The following C8orf34 variants were observed in gnomAD, a reference collection of about 807,000 sequenced individuals.
C8orf34 encodes uncharacterized protein C8orf34.
Under a neutral mutation model 68.3 loss-of-function variants are expected in C8orf34, and 65 were observed. That is an observed-to-expected ratio of 0.95 (90% CI 0.78 to 1.17). C8orf34 has a LOEUF of 1.17. Among genes scored for constraint, C8orf34 ranks in the 50% most tolerant of loss-of-function variants. The pLI is 0.00. For synonymous variants in C8orf34, 244 were observed against 241.2 expected, an observed-to-expected ratio of 1.01 and a Z score of -0.11; for missense variants, 664 against 655.4, an observed-to-expected ratio of 1.01 and a Z score of -0.14.
At chr8:68,559,867 G>A (rs1297339463) in intron 7 of C8orf34, among the ~76,000 whole-genome samples, 1 of 152,172 alleles carries the variant, frequency 6.6e-6, no homozygotes, top group Admixed American at 6.5e-5. Flanking sequence ...GAATGTAGAA[G>A]TGTGGGCTGT....
intron 7 of C8orf34, among the ~76,000 whole-genome samples, chr8:68,630,129 C>T (rs1271033609): frequency 6.6e-6 from 1 of 151,628 alleles, no homozygotes. Flanking sequence ...TGACATATAT[C>T]ATAAAATAGC....
At chr8:68,669,858 C>T (rs1218007120) in intron 8 of C8orf34, among the ~76,000 whole-genome samples, 1 of 152,096 alleles carries the variant, frequency 6.6e-6, no homozygotes, top group Non-Finnish European at 1.5e-5. Flanking sequence ...CATTTCAGGC[C>T]CCCTTTGTCT....
At position 68,521,989 on chromosome 8, in the gene C8orf34, C is replaced by T. The variant is rs542867142; in HGVS notation, c.938+18C>T. Reference sequence around the variant, plus strand: ...GCAGGAAGGTGAGATGAGCTGTCTGCTGAGATTCTATATTACTAGTCATTA... The same window carrying T: ...GCAGGAAGGTGAGATGAGCTGTCTGTTGAGATTCTATATTACTAGTCATTA... On this transcript the variant is annotated intron_variant, in intron 6 of 13. Coordinates refer to ENST00000518698, the MANE Select transcript of C8orf34 (RefSeq NM_052958.4). 1 of 1,607,934 alleles carries T rather than the reference C, an allele frequency of 6.2e-7. No individual in the cohort carries two copies. Among genetic ancestry groups the T allele is most frequent in the South Asian group, 1.1e-5 (1 of 90,590 alleles).
intron 7 of C8orf34, chr8:68,535,939 T>G: frequency 1.2e-6 from 1 of 865,976 alleles, no homozygotes; most frequent in Non-Finnish European, 1.4e-6. Flanking sequence ...TAAGATATTT[T>G]CAAATATTTT....
At chr8:68,740,880 T>TCC (rs1822269803) in intron 10 of C8orf34, among the ~76,000 whole-genome samples, 2 of 152,122 alleles carry the variant, frequency 1.3e-5, no homozygotes, top group Non-Finnish European at 2.9e-5. Flanking sequence ...ACATATACAC[T>TCC]ATGGAATACT....
In C8orf34 at chr8:68,464,500, T is replaced by G. The variant is rs1320721506; in HGVS notation, c.608-4192T>G. On this transcript the variant is annotated intron_variant, in intron 3 of 13. Coordinates refer to ENST00000518698, the MANE Select transcript of C8orf34 (RefSeq NM_052958.4). The stretch of plus-strand genomic sequence containing the variant: ...AGAGCCCGCATCGCCAAGTCAATCC[T>G]AAGCCAAAAGAACAAAGCTGGAGGC... 3.9e-5 allele frequency among the ~76,000 whole-genome samples: 6 copies of G among 152,002 alleles called. No homozygotes were observed. The South Asian group carries it at 1.0e-3, about 26-fold the overall frequency.
chr8:68,732,996 G>A (rs1451963461), intron 10 of C8orf34, among the ~76,000 whole-genome samples: 3 of 152,112 alleles, frequency 2.0e-5, no homozygotes, highest in African/African-American at 4.8e-5. Flanking sequence ...CCTTGGAGGC[G>A]GAGGTTGCAG....
intron 11 of C8orf34, among the ~76,000 whole-genome samples, 192 bp downstream of exon 11, chr8:68,776,641 C>A (rs560369105): frequency 6.6e-6 from 1 of 152,278 alleles, no homozygotes; most frequent in African/African-American, 2.4e-5. Flanking sequence ...GAGAAAGATA[C>A]TGTGTATCAG....
chr8:68,563,504 G>C (rs1054748103), intron 7 of C8orf34, among the ~76,000 whole-genome samples: 1 of 152,096 alleles, frequency 6.6e-6, no homozygotes, highest in Non-Finnish European at 1.5e-5. Flanking sequence ...CTTTTAAAGG[G>C]TTTTTAAAAG....
intron 5 of C8orf34, among the ~76,000 whole-genome samples, chr8:68,488,824 C>A (rs1308723459): frequency 6.6e-6 from 1 of 152,082 alleles, no homozygotes; most frequent in African/African-American, 2.4e-5. Flanking sequence ...AACATATTCT[C>A]ATTTTTCTAG....
intron 1 of C8orf34, among the ~76,000 whole-genome samples, chr8:68,424,832 G>A (rs1810139844): frequency 6.6e-6 from 1 of 152,136 alleles, no homozygotes; most frequent in Middle Eastern, 3.4e-3. Context: ...CCTGGGAGGC[G>A]GAGCTTGCAG....
At chr8:68,742,939 G>A (rs933397206) in intron 10 of C8orf34, among the ~76,000 whole-genome samples, 1 of 152,086 alleles carries the variant, frequency 6.6e-6, no homozygotes, top group Non-Finnish European at 1.5e-5. Flanking sequence ...CTGATCATCT[G>A]GCTTCCTGAC....
chr8:68,400,624 G>A (rs752506029), intron 1 of C8orf34, among the ~76,000 whole-genome samples: 4 of 152,020 alleles, frequency 2.6e-5, no homozygotes, highest in Admixed American at 6.6e-5. Flanking sequence ...GCAATGGTGC[G>A]ATCTTAGCTC....
Position 68,733,572 on chromosome 8 carries a change from AT to A in C8orf34, c.1404+12145del, listed in dbSNP as rs545919365. Among the ~76,000 whole-genome samples, 16 of 150,288 alleles carry A rather than the reference AT, an allele frequency of 1.1e-4. No individual in the cohort carries two copies. The East Asian group carries it at 1.9e-3, about 18-fold the overall frequency. ...GTTCTAAAGCATGCCTTCTTATATG[AT>A]TTTTTTTTTAAGAACAGGTTTAGCG... is the stretch of plus-strand genomic sequence containing the variant. On this transcript the variant is annotated intron_variant, in intron 10 of 13. Coordinates refer to ENST00000518698, the MANE Select transcript of C8orf34 (RefSeq NM_052958.4).
chr8:68,737,398 C>T (rs1285447889), intron 10 of C8orf34, among the ~76,000 whole-genome samples: 1 of 152,028 alleles, frequency 6.6e-6, no homozygotes, highest in South Asian at 2.1e-4. Context: ...ACTGCAACTT[C>T]CTGATCATTC....
intron 7 of C8orf34, among the ~76,000 whole-genome samples, chr8:68,607,762 A>G (rs1398035567): frequency 6.6e-6 from 1 of 152,130 alleles, no homozygotes; most frequent in Non-Finnish European, 1.5e-5. Context: ...AATCTGTCCT[A>G]TTATTTCTTA....
chr8:68,489,732 T>C (rs1813231509), intron 5 of C8orf34, among the ~76,000 whole-genome samples: 1 of 152,188 alleles, frequency 6.6e-6, no homozygotes, highest in African/African-American at 2.4e-5. Context: ...CAAAAAATGG[T>C]ATCATATAAA....
chr8:68,428,755 T>C (rs532961446), intron 1 of C8orf34, among the ~76,000 whole-genome samples: 10 of 152,146 alleles, frequency 6.6e-5, no homozygotes, highest in African/African-American at 9.6e-5. Context: ...GACTGACAAA[T>C]AGATTAATGA....
At chr8:68,762,645 G>A (rs1024038352) in intron 10 of C8orf34, among the ~76,000 whole-genome samples, 5 of 152,162 alleles carry the variant, frequency 3.3e-5, no homozygotes, top group Admixed American at 3.3e-4. Context: ...GTCATGTTCA[G>A]TAAGACCTCA....
Sources: gnomAD v4.1 joint callset for allele counts (sites outside exome capture counted in the v4.1 genomes callset) on GRCh38, gnomAD v4.1.1 for gene constraint, MANE v1.5 for transcripts, NCBI Gene and HGNC (gene_info 2026-07-23, HGNC 2026-07-21) for gene names.